Variants in ASTN2 observed in about 807,000 individuals in gnomAD.
ASTN2 encodes the protein astrotactin 2.
Under a neutral mutation model 139.8 loss-of-function variants are expected in ASTN2, and 54 were observed. The ratio of observed to expected loss-of-function variants is 0.39; its 90% CI spans 0.31 to 0.48. The LOEUF (loss-of-function observed/expected upper bound fraction) is 0.48, where lower values mean the gene tolerates loss of function less well. Ranked by LOEUF, ASTN2 falls within the 20% of genes least tolerant of loss-of-function variation. ASTN2 has a pLI of 0.95. For synonymous variants in ASTN2, 756 were observed against 719.5 expected, an observed-to-expected ratio of 1.05 and a Z score of -0.81; for missense variants, 1,565 against 1,725.1, an observed-to-expected ratio of 0.91 and a Z score of 1.64.
chr9:117,063,558 A>G (rs1839357735), intron 5 of ASTN2, among the ~76,000 whole-genome samples: 1 of 152,168 alleles, frequency 6.6e-6, no homozygotes, highest in African/African-American at 2.4e-5. Context: ...TGGAACTGTA[A>G]GTCCAATTAA....
intron 19 of ASTN2, among the ~76,000 whole-genome samples, chr9:116,556,276 T>C (rs928843410): frequency 2.0e-5 from 3 of 152,210 alleles, no homozygotes; most frequent in Non-Finnish European, 4.4e-5. Context: ...GTTTCCTCAC[T>C]GGTGACAAAA....
chr9:116,535,360 C>A (rs141736969), intron 19 of ASTN2, among the ~76,000 whole-genome samples: 86 of 152,272 alleles, frequency 5.6e-4, no homozygotes, highest in African/African-American at 2.0e-3. Flanking sequence ...AGCCCATTTA[C>A]ATTTAAGGTT....
At chr9:117,263,938 A>G (rs550770900) in intron 2 of ASTN2, among the ~76,000 whole-genome samples, 1 of 152,282 alleles carries the variant, frequency 6.6e-6, no homozygotes, top group East Asian at 1.9e-4. Context: ...AGGCTGAGAC[A>G]GGTGGATCAC....
chr9:117,018,071 G>A (rs1019144983), intron 6 of ASTN2, among the ~76,000 whole-genome samples: 15 of 152,030 alleles, frequency 9.9e-5, no homozygotes, highest in African/African-American at 2.9e-4. Flanking sequence ...TGGGATGATC[G>A]GCGTAGGGTG....
At chr9:116,733,162 G>A (rs540084949) in intron 14 of ASTN2, among the ~76,000 whole-genome samples, 6 of 152,358 alleles carry the variant, frequency 3.9e-5, no homozygotes, top group African/African-American at 1.2e-4. Flanking sequence ...TTCTCACAGA[G>A]GAACCTCCTC....
intron 10 of ASTN2, among the ~76,000 whole-genome samples, chr9:116,962,717 C>T (rs1030825117): frequency 1.3e-5 from 2 of 152,126 alleles, no homozygotes; most frequent in Admixed American, 6.5e-5. Context: ...CATCTACTAA[C>T]CCCAAAGTAC....
chr9:116,812,076 AGT>A (rs1179060423), intron 12 of ASTN2, among the ~76,000 whole-genome samples: 1 of 152,016 alleles, frequency 6.6e-6, no homozygotes, highest in Admixed American at 6.6e-5. Flanking sequence ...TGTGTCTCTG[AGT>A]GTGTGTGTGT....
intron 4 of ASTN2, among the ~76,000 whole-genome samples, chr9:117,109,902 CAAGTAT>C (rs1564429977): frequency 6.6e-6 from 1 of 152,032 alleles, no homozygotes; most frequent in Non-Finnish European, 1.5e-5. Context: ...GTTTCCTATA[CAAGTAT>C]ATCTTCTCCC....
At chr9:117,317,851 T>C (rs1214471080) in intron 1 of ASTN2, among the ~76,000 whole-genome samples, 1 of 152,122 alleles carries the variant, frequency 6.6e-6, no homozygotes, top group African/African-American at 2.4e-5. Context: ...CCTGACTCCC[T>C]TAGTGCCAGC....
At chr9:116,548,607 G>C (rs1298807820) in intron 19 of ASTN2, among the ~76,000 whole-genome samples, 1 of 152,016 alleles carries the variant, frequency 6.6e-6, no homozygotes, top group East Asian at 1.9e-4. Flanking sequence ...TGAGTATCTG[G>C]GATTACAGGT....
At position 116,500,578 on chromosome 9, in the gene ASTN2, T is replaced by A. The variant is rs372818160; in HGVS notation, c.3356-13078A>T. Reference sequence around the variant, plus strand: ...GCAATTCAATTCACTAACATGCTGATATCAAATCTCCTTTGAGAGGGAAAA... The same window carrying A: ...GCAATTCAATTCACTAACATGCTGAAATCAAATCTCCTTTGAGAGGGAAAA... On this transcript the variant is annotated intron_variant, in intron 19 of 22. Coordinates refer to ENST00000313400, the MANE Select transcript of ASTN2 (RefSeq NM_001365068.1). Among the ~76,000 whole-genome samples, 6 of 152,212 alleles carry A rather than the reference T, an allele frequency of 3.9e-5. No individual in the cohort carries two copies. The East Asian group carries it at 1.2e-3, about 29-fold the overall frequency.
chr9:117,213,541 T>C (rs953201144), intron 3 of ASTN2, among the ~76,000 whole-genome samples: 21 of 152,202 alleles, frequency 1.4e-4, no homozygotes, highest in African/African-American at 5.1e-4. Flanking sequence ...GATCAAAATA[T>C]CACTATGTAC....
intron 20 of ASTN2, among the ~76,000 whole-genome samples, chr9:116,458,161 A>G (rs1308558705): frequency 6.6e-6 from 1 of 151,912 alleles, no homozygotes; most frequent in African/African-American, 2.4e-5. Flanking sequence ...ACAAAAAAAA[A>G]ATTGAACTAA....
At chr9:116,676,145 G>A (rs768473678) in intron 16 of ASTN2, among the ~76,000 whole-genome samples, 61 of 152,124 alleles carry the variant, frequency 4.0e-4, no homozygotes, top group Non-Finnish European at 6.8e-4. Context: ...AAGCCGCTCC[G>A]TTCTTCTGGA....
At chr9:116,882,783 C>T (rs185398623) in intron 10 of ASTN2, among the ~76,000 whole-genome samples, 44 of 151,630 alleles carry the variant, frequency 2.9e-4, no homozygotes, top group Non-Finnish European at 5.4e-4. Context: ...GCTATGATTG[C>T]GCCACTGCAC....
At chr9:116,783,778 G>A (rs915078029) in intron 13 of ASTN2, among the ~76,000 whole-genome samples, 1 of 152,076 alleles carries the variant, frequency 6.6e-6, no homozygotes, top group Admixed American at 6.5e-5. Context: ...AAGAGCTATG[G>A]GCTGAGGAGG....
At chr9:116,565,215 AACACAC>A (rs59415099) in intron 19 of ASTN2, among the ~76,000 whole-genome samples, 36,380 of 133,882 alleles carry the variant, frequency 0.27, 4,925 homozygotes, top group Admixed American at 0.35. Flanking sequence ...GCTTGCCACA[AACACAC>A]ACACACACAC....
chr9:117,255,569 G>C (rs1833662608), intron 2 of ASTN2, among the ~76,000 whole-genome samples: 1 of 152,218 alleles, frequency 6.6e-6, no homozygotes, highest in South Asian at 2.1e-4. Flanking sequence ...AAGGCTCAGA[G>C]AGGAGGTGGT....
intron 4 of ASTN2, among the ~76,000 whole-genome samples, chr9:117,132,665 C>A (rs1220294470): frequency 2.6e-5 from 4 of 152,170 alleles, no homozygotes; most frequent in Non-Finnish European, 4.4e-5. Context: ...GCTCTGACTG[C>A]TGATCAGCTT....
Sources: gnomAD v4.1 joint callset for allele counts (sites outside exome capture counted in the v4.1 genomes callset) on GRCh38, gnomAD v4.1.1 for gene constraint, MANE v1.5 for transcripts, NCBI Gene and HGNC (gene_info 2026-07-23, HGNC 2026-07-21) for gene names.